Variants in ANTXR1 observed in about 807,000 individuals in gnomAD.
The protein encoded by ANTXR1 is ANTXR cell adhesion molecule 1.
Under a neutral mutation model 78.1 loss-of-function variants are expected in ANTXR1, and 19 were observed. The ratio of observed to expected loss-of-function variants is 0.24; its 90% CI spans 0.17 to 0.36. ANTXR1 has a LOEUF of 0.36. Among genes scored for constraint, ANTXR1 ranks in the 10% least tolerant of loss-of-function variants. The pLI, the probability that ANTXR1 is intolerant of heterozygous loss-of-function variation, is 1.00. For synonymous variants in ANTXR1, 273 were observed against 260.5 expected (o/e 1.05, Z -0.46); for missense variants, 518 against 718.6 (o/e 0.72, Z 3.19).
At chr2:69,079,559 AAGGAGTC>A (rs796196303) in intron 8 of ANTXR1, among the ~76,000 whole-genome samples, 116 of 152,292 alleles carry the variant, frequency 7.6e-4, no homozygotes, top group African/African-American at 2.7e-3. Context: ...AGTTTGGGTA[AAGGAGTC>A]AGGAGTAATG....
chr2:69,078,656 A>T (rs1332098775), intron 8 of ANTXR1, among the ~76,000 whole-genome samples: 1 of 152,206 alleles, frequency 6.6e-6, no homozygotes, highest in Non-Finnish European at 1.5e-5. Context: ...TCTTGTTTGG[A>T]AACAGGGACT....
chr2:69,212,169 A>G (rs1398731082), intron 17 of ANTXR1, among the ~76,000 whole-genome samples: 2 of 152,222 alleles, frequency 1.3e-5, no homozygotes, highest in Non-Finnish European at 2.9e-5. Context: ...GAAGAAAAAC[A>G]GGAAGGAGAT....
chr2:69,152,042 A>C, intron 12 of ANTXR1, 127 bp from the exon 13 acceptor site: 1 of 922,380 alleles, frequency 1.1e-6, no homozygotes, highest in African/African-American at 1.6e-5. Context: ...CAGAGTTTCA[A>C]CCATTTGCTT....
At chr2:69,031,948 G>A (rs551074220) in intron 1 of ANTXR1, among the ~76,000 whole-genome samples, 36 of 152,314 alleles carry the variant, frequency 2.4e-4, no homozygotes, top group African/African-American at 8.2e-4. Flanking sequence ...GTCACTTTCT[G>A]TGCAGTTGCT....
Position 69,168,348 on chromosome 2 carries a change from T to G in ANTXR1, c.1048-1900T>G, listed in dbSNP as rs2104449255. On this transcript the variant is annotated intron_variant, in intron 13 of 17. Coordinates refer to ENST00000303714, the MANE Select transcript of ANTXR1 (RefSeq NM_032208.3). ...GTTTCTGCAAGGTTCATGTTATTAC[T>G]TCATTTAACAAATGAGGACAGTGGA... Among the ~76,000 whole-genome samples, 2 of 152,352 alleles carry G rather than the reference T, an allele frequency of 1.3e-5. 1 individual carries two copies. The highest frequency in any genetic ancestry group is 4.1e-4 in the South Asian group (2 of 4,832).
At chr2:69,241,820 A>G (rs1675901369) in intron 17 of ANTXR1, among the ~76,000 whole-genome samples, 1 of 152,174 alleles carries the variant, frequency 6.6e-6, no homozygotes, top group Non-Finnish European at 1.5e-5. Context: ...GCAGAGAGAC[A>G]GCATTAGACT....
chr2:69,065,292 G>T (rs1202704114), intron 3 of ANTXR1, among the ~76,000 whole-genome samples: 1 of 151,942 alleles, frequency 6.6e-6, no homozygotes, highest in Non-Finnish European at 1.5e-5. Context: ...AGGTGTGGTG[G>T]CACGCACCTG....
Position 69,193,342 on chromosome 2 carries a change from T to C in ANTXR1, c.1361T>C (p.Leu454Pro). 6.2e-7 allele frequency: 1 copy of C among 1,613,990 alleles called. No homozygotes were observed. Among genetic ancestry groups the C allele is most frequent in the Non-Finnish European group, 8.5e-7 (1 of 1,179,930 alleles). ...RKWYSPIKGK[L>P]DALWVLLRKG... Reference sequence around the variant, plus strand: ...GCATTTGTTTTATTTCAGGGAAAACTCGATGCCTTGTGGGTCCTACTGAGG... The same window carrying C: ...GCATTTGTTTTATTTCAGGGAAAACCCGATGCCTTGTGGGTCCTACTGAGG... Residue 454 changes from leucine (L) to proline (P), a missense_variant, in exon 17 of 18, where the codon CTC becomes CCC. By Grantham distance (98) the Leu-to-Pro change is moderately conservative (BLOSUM62 -3). This residue lies in a region of ANTXR1 where 192 missense variants were observed against 230.2 expected (regional missense o/e 0.83). Coordinates refer to ENST00000303714, the MANE Select transcript of ANTXR1 (RefSeq NM_032208.3).
At chr2:69,164,889 T>C (rs1673784917) in intron 13 of ANTXR1, among the ~76,000 whole-genome samples, 1 of 152,254 alleles carries the variant, frequency 6.6e-6, no homozygotes, top group Non-Finnish European at 1.5e-5. Context: ...GCTTCAAAGC[T>C]GGTCTTTCTA....
At chr2:69,035,502 C>T (rs6748771) in intron 1 of ANTXR1, among the ~76,000 whole-genome samples, 42,348 of 151,912 alleles carry the variant, frequency 0.28, 11,423 homozygotes, top group African/African-American at 0.67. Flanking sequence ...TTTCCTTTAG[C>T]AGCTGAGGCC....
intron 4 of ANTXR1, 145 bp downstream of exon 4, chr2:69,070,873 T>A (rs531336498): frequency 2.7e-6 from 2 of 735,660 alleles, no homozygotes; most frequent in South Asian, 1.5e-5. Flanking sequence ...CATAAGCTTG[T>A]ACACTGACCA....
At chr2:69,187,201 G>A (rs6546487) in intron 16 of ANTXR1, among the ~76,000 whole-genome samples, 62,631 of 151,902 alleles carry the variant, frequency 0.41, 13,490 homozygotes, top group East Asian at 0.69. Context: ...CCATCTCCCC[G>A]TCTAATTTAA....
intron 17 of ANTXR1, among the ~76,000 whole-genome samples, chr2:69,195,096 AG>A (rs1225205061): frequency 6.6e-6 from 1 of 151,148 alleles, no homozygotes; most frequent in Non-Finnish European, 1.5e-5. Flanking sequence ...TGAACCCAGG[AG>A]GCGGAGGTTG....
At chr2:69,133,786 C>T (rs1045165603) in intron 12 of ANTXR1, among the ~76,000 whole-genome samples, 1 of 152,284 alleles carries the variant, frequency 6.6e-6, no homozygotes, top group South Asian at 2.1e-4. Context: ...CACTGACGCA[C>T]TTTGTTATTG....
intron 9 of ANTXR1, among the ~76,000 whole-genome samples, chr2:69,093,177 TG>T (rs1450080238): frequency 6.6e-6 from 1 of 152,220 alleles, no homozygotes; most frequent in Non-Finnish European, 1.5e-5. Context: ...ACTCACTAGG[TG>T]GCCAATAAAT....
At position 69,159,309 on chromosome 2, in the gene ANTXR1, G is replaced by A. The variant is rs1040478250; in HGVS notation, c.1047+7045G>A. Among the ~76,000 whole-genome samples, 5 of 152,078 alleles carry A rather than the reference G, an allele frequency of 3.3e-5. No homozygotes were observed. The East Asian group carries it at 5.8e-4, about 18-fold the overall frequency. ...AGTTCTGAGCAGGGCACAGTGACTC[G>A]CACCTATAATCCCAACACTTTGGAA... On this transcript the variant is annotated intron_variant, in intron 13 of 17. Coordinates refer to ENST00000303714, the MANE Select transcript of ANTXR1 (RefSeq NM_032208.3).
intron 12 of ANTXR1, among the ~76,000 whole-genome samples, chr2:69,142,700 G>A (rs2104416815): frequency 6.6e-6 from 1 of 152,310 alleles, no homozygotes; most frequent in South Asian, 2.1e-4. Context: ...CTTGAAAGAT[G>A]AAAAACAGCT....
chr2:69,182,959 A>C lies in ANTXR1; in HGVS notation c.1353+299A>C, dbSNP rs183235086. 28 of 401,708 alleles carry C rather than the reference A, an allele frequency of 7.0e-5. 1 individual carries two copies. The highest frequency in any genetic ancestry group is 5.5e-4 in the Admixed American group (13 of 23,506). 24.9% of individuals were successfully genotyped at this position (401,708 alleles called of 1,614,324 possible). A position where few individuals can be genotyped will look rare whatever the true frequency, so the allele number is the denominator to read the frequency against. On this transcript the variant is annotated intron_variant, in intron 16 of 17. Transcript: ENST00000303714. ...GACCCCTGGGCAAGGATGACATGCA[A>C]ATTCGTGAAGTGTTCCATATTAAAA...
rs10176087 is a variant in ANTXR1, at chr2:69,159,944, G to C, written c.1047+7680G>C. Among the ~76,000 whole-genome samples the C allele has an allele frequency of 1.3e-3, 202 of 152,128 alleles. 1 individual carries two copies. The highest frequency in any genetic ancestry group is 4.6e-3 in the African/African-American group (189 of 41,524). Reference sequence around the variant, plus strand: ...ATAAAGCATTAAAATAATGTTCTTCGCACCGTTAAGAATAACATTTAATTT... The same window carrying C: ...ATAAAGCATTAAAATAATGTTCTTCCCACCGTTAAGAATAACATTTAATTT... On this transcript the variant is annotated intron_variant, in intron 13 of 17. Transcript: ENST00000303714.
Sources: allele counts gnomAD v4.1 joint callset (sites outside exome capture counted in the v4.1 genomes callset), GRCh38; gene constraint gnomAD v4.1.1; regional missense constraint gnomAD v4.1.1; transcripts MANE v1.5; gene names NCBI Gene and HGNC (gene_info 2026-07-23, HGNC 2026-07-21).